SMYD3: variants seen among roughly 807,000 people sequenced by gnomAD.
SMYD3 encodes histone-lysine N-methyltransferase SMYD3.
SMYD3 carries 36 observed loss-of-function variants against 57.7 expected under a neutral mutation model. That is an observed-to-expected ratio of 0.62 (90% CI 0.48 to 0.82). SMYD3 has a LOEUF of 0.82. SMYD3 is among the 40% of genes least tolerant of loss of function. The pLI is 0.00. For missense variants in SMYD3, 515 were observed against 538.8 expected, an observed-to-expected ratio of 0.96 and a Z score of 0.44; for synonymous variants, 211 against 195.0, an observed-to-expected ratio of 1.08 and a Z score of -0.68.
At chr1:246,317,746 T>A (rs533130831) in intron 5 of SMYD3, among the ~76,000 whole-genome samples, 2 of 152,344 alleles carry the variant, frequency 1.3e-5, no homozygotes, top group East Asian at 3.9e-4. Context: ...ATATAATTTT[T>A]ATTTGCCAAT....
intron 1 of SMYD3, among the ~76,000 whole-genome samples, chr1:246,491,473 G>A (rs2068269709): frequency 6.6e-6 from 1 of 151,886 alleles, no homozygotes; most frequent in South Asian, 2.1e-4. Flanking sequence ...CCAGGAGGTG[G>A]AGGTGGCAGT....
At chr1:245,886,646 T>A (rs2053098922) in intron 8 of SMYD3, among the ~76,000 whole-genome samples, 1 of 152,204 alleles carries the variant, frequency 6.6e-6, no homozygotes, top group African/African-American at 2.4e-5. Flanking sequence ...GCTGCCATCA[T>A]AGATATGCAT....
chr1:246,495,937 C>A (rs1325009165), intron 1 of SMYD3, among the ~76,000 whole-genome samples: 1 of 151,528 alleles, frequency 6.6e-6, no homozygotes, highest in African/African-American at 2.4e-5. Flanking sequence ...TGTACTCCAG[C>A]CTGGGTGACA....
At chr1:246,348,429 T>A (rs1451790406) in intron 2 of SMYD3, among the ~76,000 whole-genome samples, 2 of 151,824 alleles carry the variant, frequency 1.3e-5, no homozygotes, top group African/African-American at 4.8e-5. Flanking sequence ...AAAAAAAATA[T>A]ATATATATAT....
chr1:245,811,870 A>G (rs2048488876), intron 10 of SMYD3, among the ~76,000 whole-genome samples: 1 of 152,218 alleles, frequency 6.6e-6, no homozygotes, highest in Non-Finnish European at 1.5e-5. Flanking sequence ...TGAAAGGTTA[A>G]GCATGCTGCC....
At chr1:245,818,858 T>C (rs988502153) in intron 10 of SMYD3, among the ~76,000 whole-genome samples, 347 of 149,382 alleles carry the variant, frequency 2.3e-3, no homozygotes, top group Non-Finnish European at 4.0e-3. Flanking sequence ...CCTAAATATA[T>C]ATGCATCCAA....
At chr1:246,006,278 G>A (rs974527514) in intron 5 of SMYD3, among the ~76,000 whole-genome samples, 3 of 148,964 alleles carry the variant, frequency 2.0e-5, no homozygotes, top group South Asian at 2.2e-4. Flanking sequence ...ACTGATGAGC[G>A]AGTTGGAGGG....
intron 5 of SMYD3, among the ~76,000 whole-genome samples, chr1:246,322,923 T>C (rs769474264): frequency 5.3e-4 from 80 of 152,218 alleles, no homozygotes; most frequent in Non-Finnish European, 8.4e-4. Flanking sequence ...TAAATATAAC[T>C]GAAATCTGTA....
intron 5 of SMYD3, among the ~76,000 whole-genome samples, chr1:246,088,264 C>T (rs567954937): frequency 6.6e-5 from 10 of 152,002 alleles, no homozygotes; most frequent in Middle Eastern, 3.4e-3. Context: ...TCCCTCTCTC[C>T]TTCTTTCTCT....
chr1:245,877,185 G>A (rs944582726), intron 8 of SMYD3, among the ~76,000 whole-genome samples: 25 of 152,356 alleles, frequency 1.6e-4, no homozygotes, highest in African/African-American at 6.0e-4. Flanking sequence ...GCCCTACTAG[G>A]TCTGCAGTTA....
intron 5 of SMYD3, among the ~76,000 whole-genome samples, chr1:246,168,624 T>G (rs551336641): frequency 6.6e-6 from 1 of 152,182 alleles, no homozygotes; most frequent in Non-Finnish European, 1.5e-5. Flanking sequence ...TAATTGTTAT[T>G]TCTTTGAAAT....
At chr1:245,922,431 C>T (rs961885135) in intron 7 of SMYD3, among the ~76,000 whole-genome samples, 1 of 148,882 alleles carries the variant, frequency 6.7e-6, no homozygotes, top group Admixed American at 6.7e-5. Flanking sequence ...CACTTCTATA[C>T]ACAAACCAAA....
intron 5 of SMYD3, among the ~76,000 whole-genome samples, chr1:246,100,576 C>T (rs1266260941): frequency 6.6e-6 from 1 of 152,214 alleles, no homozygotes; most frequent in Non-Finnish European, 1.5e-5. Flanking sequence ...GCTCAAGAGA[C>T]CAGGGTTCTG....
intron 1 of SMYD3, among the ~76,000 whole-genome samples, chr1:246,496,280 C>T (rs2068359842): frequency 6.6e-6 from 1 of 151,738 alleles, no homozygotes; most frequent in African/African-American, 2.4e-5. Context: ...GTGATCTGCC[C>T]GTCTCAGCCT....
chr1:245,838,283 A>C (rs1417955001), intron 10 of SMYD3, among the ~76,000 whole-genome samples: 1 of 152,246 alleles, frequency 6.6e-6, no homozygotes, highest in Non-Finnish European at 1.5e-5. Flanking sequence ...GACCCCTCCC[A>C]TGAAGAGTCA....
chr1:246,018,764 C>T (rs1277851434), intron 5 of SMYD3, among the ~76,000 whole-genome samples: 1 of 145,132 alleles, frequency 6.9e-6, no homozygotes, highest in Non-Finnish European at 1.5e-5. Flanking sequence ...CACCACCATG[C>T]TGGCTTTTTT....
intron 5 of SMYD3, among the ~76,000 whole-genome samples, chr1:246,161,805 G>T (rs907815057): frequency 2.0e-5 from 3 of 152,172 alleles, no homozygotes; most frequent in Non-Finnish European, 4.4e-5. Flanking sequence ...TGAATGCACA[G>T]CTCTGACTTA....
intron 5 of SMYD3, among the ~76,000 whole-genome samples, chr1:245,993,579 A>AAGATAGAT (rs1210624302): frequency 0.012 from 371 of 30,080 alleles, 2 homozygotes; most frequent in Admixed American, 0.039. Flanking sequence ...AAAAAAAAAA[A>AAGATAGAT]AGATAGATAG....
intron 5 of SMYD3, among the ~76,000 whole-genome samples, chr1:246,033,780 C>T (rs2059720614): frequency 6.6e-6 from 1 of 151,984 alleles, no homozygotes; most frequent in African/African-American, 2.4e-5. Flanking sequence ...GAGTGAGACT[C>T]TGCCTCAAAA....
Sources: allele counts gnomAD v4.1 joint callset (sites outside exome capture counted in the v4.1 genomes callset), GRCh38; gene constraint gnomAD v4.1.1; transcripts MANE v1.5; gene names NCBI Gene and HGNC (gene_info 2026-07-23, HGNC 2026-07-21).